The following REPS1 variants were observed in gnomAD, a reference collection of about 807,000 sequenced individuals.
REPS1 encodes RALBP1 associated Eps domain containing 1, also known as ralBP1-associated Eps domain-containing protein 1.
REPS1 carries 39 observed loss-of-function variants against 100.9 expected under a neutral mutation model. The ratio of observed to expected loss-of-function variants is 0.39; its 90% confidence interval spans 0.30 to 0.50. The LOEUF (loss-of-function observed/expected upper bound fraction) is 0.50. REPS1 is among the 20% of genes least tolerant of loss of function. The pLI, the probability that REPS1 is intolerant of heterozygous loss-of-function variation, is 0.86. For missense variants in REPS1, 821 were observed against 968.5 expected, an observed-to-expected ratio of 0.85 and a Z score of 2.02; for synonymous variants, 324 against 340.3, an observed-to-expected ratio of 0.95 and a Z score of 0.53.
At chr6:138,941,550 A>G in intron 7 of REPS1, 61 bp from the exon 8 acceptor site, 1 of 1,467,032 alleles carries the variant, frequency 6.8e-7, no homozygotes, top group Non-Finnish European at 9.4e-7. Flanking sequence ...TTATTTCTCA[A>G]AAAGAAGCAA....
chr6:138,959,587 G>A (rs546596646), intron 1 of REPS1, among the ~76,000 whole-genome samples: 3 of 152,228 alleles, frequency 2.0e-5, no homozygotes, highest in African/African-American at 4.8e-5. Flanking sequence ...TAAATGGAAC[G>A]GGGTCAGTGG....
At chr6:138,961,385 C>T (rs1415216363) in intron 1 of REPS1, among the ~76,000 whole-genome samples, 3 of 152,090 alleles carry the variant, frequency 2.0e-5, no homozygotes, top group Non-Finnish European at 4.4e-5. Flanking sequence ...TACAGACGCC[C>T]GCCACCACGC....
intron 1 of REPS1, among the ~76,000 whole-genome samples, chr6:138,962,092 G>A (rs955309743): frequency 1.3e-5 from 2 of 152,090 alleles, no homozygotes; most frequent in Non-Finnish European, 2.9e-5. Flanking sequence ...AAAATATGCA[G>A]ACCAAACACA....
intron 1 of REPS1, chr6:138,951,285 T>A (rs1329337737): frequency 6.6e-6 from 1 of 152,168 alleles, no homozygotes; most frequent in African/African-American, 2.4e-5. Context: ...AAAAACCACA[T>A]AAAGATGTTA....
chr6:138,947,034 T>TGCTC lies in REPS1; in HGVS notation c.277+752_277+755dup, dbSNP rs1554292152. On this transcript the variant is annotated intron_variant, in intron 2 of 19. Transcript: ENST00000450536. ...TTAAATGTCTGTGGCTATTCCCCCT[T>TGCTC]GCTCTCTCTCTCTCTCTCTCTCTCT... Among the ~76,000 whole-genome samples the TGCTC allele has an allele frequency of 7.0e-4, 43 of 61,450 alleles. No individual in the cohort carries two copies. In the East Asian group the frequency reaches 0.015, roughly 22 times the overall value. 40.3% of individuals were successfully genotyped at this position (61,450 alleles called of 152,430 possible).
chr6:138,908,267 G>C (rs557881772), intron 18 of REPS1, among the ~76,000 whole-genome samples: 13 of 152,232 alleles, frequency 8.5e-5, no homozygotes, highest in Admixed American at 4.6e-4. Flanking sequence ...GAACTAGTCT[G>C]ACCATAATTT....
At chr6:138,948,371 T>C (rs761389917) in intron 1 of REPS1, among the ~76,000 whole-genome samples, 5 of 152,188 alleles carry the variant, frequency 3.3e-5, no homozygotes, top group Non-Finnish European at 7.4e-5. Flanking sequence ...ACCACATAAA[T>C]ACAAATTTGG....
chr6:138,977,007 C>T (rs1784635727), intron 1 of REPS1, among the ~76,000 whole-genome samples: 1 of 152,154 alleles, frequency 6.6e-6, no homozygotes, highest in South Asian at 2.1e-4. Flanking sequence ...CTTCATTCTC[C>T]ACCACATTCA....
In REPS1 at chr6:138,914,773, CA is replaced by C. The variant is rs776311277; in HGVS notation, c.1721-13del. 8.1e-6 allele frequency: 13 copies of C among 1,607,074 alleles called. No individual in the cohort carries two copies. The highest frequency in any genetic ancestry group is 1.1e-5 in the Non-Finnish European group (13 of 1,177,996). ...AGCCTGTTGTTGTCCTGCATGAATA[CA>C]AAAGTTCTTCTTTTTAGTAACTGTA... On this transcript the variant is annotated splice_polypyrimidine_tract_variant and intron_variant, in intron 14 of 19. Coordinates refer to ENST00000450536, the MANE Select transcript of REPS1 (RefSeq NM_001286611.2).
chr6:138,947,287 C>T (rs550388517), intron 2 of REPS1, among the ~76,000 whole-genome samples: 15 of 152,140 alleles, frequency 9.9e-5, no homozygotes, highest in Non-Finnish European at 2.2e-4. Flanking sequence ...TTTTAGTCTG[C>T]CAATATTTTA....
In REPS1 at chr6:138,987,629, G is replaced by A. The variant is rs1473241326; in HGVS notation, c.54C>T (p.Phe18=). The A allele has an allele frequency of 2.6e-6, 4 of 1,550,932 alleles. No homozygotes were observed. The highest frequency in any genetic ancestry group is 2.0e-5 in the Admixed American group (1 of 50,966). The change falls in exon 1 of 20, where the codon TTC becomes TTT. Residue 18 remains phenylalanine, a synonymous_variant. Coordinates refer to ENST00000450536, the MANE Select transcript of REPS1 (RefSeq NM_001286611.2). Reference sequence around the variant, plus strand: ...TGGTGCTCTCAATGTCGCAGTAGGAGAAGAGATCTGAATAGTATTTCTGCT... The same window carrying A: ...TGGTGCTCTCAATGTCGCAGTAGGAAAAGAGATCTGAATAGTATTTCTGCT... ...DAEQKYYSDL[F]SYCDIESTKK... is the part of the protein sequence containing the mutation.
chr6:138,907,424 G>T, intron 19 of REPS1, 71 bp downstream of exon 19: 1 of 1,059,180 alleles, frequency 9.4e-7, no homozygotes, highest in Non-Finnish European at 1.4e-6. Context: ...AGGTATCTGA[G>T]GTCACATTCC....
At position 138,952,457 on chromosome 6, in the gene REPS1, T is replaced by C. The variant is rs111548528; in HGVS notation, c.154-4544A>G. ...TCTGTCACCCAGAGCTGGAGAGCAA[T>C]GGCGCGATCTCAGCTGACTGCAACC... On this transcript the variant is annotated intron_variant, in intron 1 of 19. Coordinates refer to ENST00000450536, the MANE Select transcript of REPS1 (RefSeq NM_001286611.2). 8.6e-4 allele frequency among the ~76,000 whole-genome samples: 130 copies of C among 151,890 alleles called. 1 individual carries two copies. Among genetic ancestry groups the C allele is most frequent in the African/African-American group, 3.0e-3 (126 of 41,372 alleles).
At chr6:138,945,743 A>T in intron 2 of REPS1, 46 bp from the exon 3 acceptor site, 1 of 1,388,300 alleles carries the variant, frequency 7.2e-7, no homozygotes, top group Non-Finnish European at 9.6e-7. Context: ...AAAAGGACAT[A>T]TATATTGAAA....
chr6:138,937,972 T>C (rs576687043), intron 8 of REPS1, among the ~76,000 whole-genome samples: 3 of 151,762 alleles, frequency 2.0e-5, no homozygotes, highest in African/African-American at 7.2e-5. Flanking sequence ...AAATGTAGAG[T>C]ACCTCAACGT....
At chr6:138,948,517 T>C (rs894626958) in intron 1 of REPS1, among the ~76,000 whole-genome samples, 1 of 152,340 alleles carries the variant, frequency 6.6e-6, no homozygotes, top group African/African-American at 2.4e-5. Flanking sequence ...TTTTAGAGCA[T>C]GAAAGTGTTC....
At chr6:138,978,341 T>C (rs1433123938) in intron 1 of REPS1, among the ~76,000 whole-genome samples, 2 of 151,226 alleles carry the variant, frequency 1.3e-5, no homozygotes, top group Non-Finnish European at 2.9e-5. Context: ...CAGGCTGGAG[T>C]CCATTGGCGC....
At chr6:138,907,312 AAGTGTGTGTGTGT>A in intron 19 of REPS1, 170 bp downstream of exon 19, 34 of 105,674 alleles carry the variant, frequency 3.2e-4, no homozygotes, top group South Asian at 8.2e-4. Context: ...AAAAAAAAAA[AAGTGTGTGTGTGT>A]GTGTGTGTGT....
At chr6:138,978,233 T>A (rs1784707327) in intron 1 of REPS1, among the ~76,000 whole-genome samples, 2 of 152,044 alleles carry the variant, frequency 1.3e-5, no homozygotes, top group Non-Finnish European at 2.9e-5. Flanking sequence ...AAGTATCTTC[T>A]CAATTGTAAA....
Sources: gnomAD v4.1 joint callset for allele counts (sites outside exome capture counted in the v4.1 genomes callset) on GRCh38, gnomAD v4.1.1 for gene constraint, MANE v1.5 for transcripts, NCBI Gene and HGNC (gene_info 2026-07-23, HGNC 2026-07-21) for gene names.